PCDHGB2: variants seen among roughly 807,000 people sequenced by gnomAD.
The protein encoded by PCDHGB2 is protocadherin gamma-B2.
In PCDHGB2, 55 loss-of-function variants were observed where a neutral mutation model predicts 59.3. That is an observed-to-expected ratio of 0.93 (90% confidence interval 0.75 to 1.16). PCDHGB2 has a LOEUF of 1.16. Ranked by LOEUF, PCDHGB2 falls within the 50% of genes most tolerant of loss-of-function variation. The probability of loss-of-function intolerance (pLI) is 0.00; values close to 1 mark genes in which losing one functional copy is unlikely to be tolerated. For missense variants in PCDHGB2, 1,228 were observed against 1,198.5 expected (o/e 1.02, Z -0.36); for synonymous variants, 516 against 512.0 (o/e 1.01, Z -0.11).
rs70988800 is a variant in PCDHGB2, at chr5:141,379,889, C to CTTTTTTTTTTTTTTTTTTTT, written c.2421+17344_2421+17363dup. 2.5e-3 allele frequency among the ~76,000 whole-genome samples: 127 copies of CTTTTTTTTTTTTTTTTTTTT among 50,836 alleles called. 11 individuals carry two copies. The highest frequency in any genetic ancestry group is 3.1e-3 in the Non-Finnish European group (79 of 25,888). The allele number at this position is 50,836 out of a possible 152,430, so 33.4% of individuals were successfully genotyped here. On this transcript the variant is annotated intron_variant, in intron 1 of 3. Transcript: ENST00000522605. ...CTTATTTTATGGTCTGTGAAAGCCT[C>CTTTTTTTTTTTTTTTTTTTT]TTTTTTTTTTTTTTTTTTTTTTTTT...
Position 141,417,739 on chromosome 5 carries a change from C to G in PCDHGB2, c.2421+55183C>G, listed in dbSNP as rs1002260902. On this transcript the variant is annotated intron_variant, in intron 1 of 3. Transcript: ENST00000522605. The stretch of plus-strand genomic sequence containing the variant: ...GGCTGCGCAGACCTTGCCCAGCACA[C>G]CAGATTGCCAGCTCCGAGACCCGGG... 1.6e-5 allele frequency: 22 copies of G among 1,411,706 alleles called. No homozygotes were observed. In the African/African-American group the frequency reaches 1.7e-4, roughly 11 times the overall value. The allele number at this position is 1,411,706 out of a possible 1,614,324, so 87.4% of individuals were successfully genotyped here.
In PCDHGB2 at chr5:141,405,080, A is replaced by T. The variant is rs1382053021; in HGVS notation, c.2421+42524A>T. 2.5e-6 allele frequency: 4 copies of T among 1,613,560 alleles called. No individual in the cohort carries two copies. In the East Asian group the frequency reaches 6.7e-5, roughly 27 times the overall value. On this transcript the variant is annotated intron_variant, in intron 1 of 3. Coordinates refer to ENST00000522605, the MANE Select transcript of PCDHGB2 (RefSeq NM_018923.3). ...CTGTGTCTTCCTCACCTTCGTTATC[A>T]CGCTGCTGGCCCTCAGGCTGAGGCA...
chr5:141,507,202 C>G (rs2099859138), intron 3 of PCDHGB2: 1 of 152,356 alleles, frequency 6.6e-6, no homozygotes, highest in Non-Finnish European at 1.5e-5. Flanking sequence ...TCTTCCAGAT[C>G]AGGGTTGCCA....
intron 2 of PCDHGB2, among the ~76,000 whole-genome samples, chr5:141,504,280 C>T (rs1027657223): frequency 6.6e-6 from 1 of 152,076 alleles, no homozygotes; most frequent in Admixed American, 6.6e-5. Context: ...AATTATGAAT[C>T]ATTTCATGTT....
rs781345070 is a variant in PCDHGB2 at position 141,371,941 on chromosome 5, C to T, written c.2421+9385C>T. 8 of 1,613,174 alleles carry T rather than the reference C, an allele frequency of 5.0e-6. No individual in the cohort carries two copies. The South Asian group carries it at 7.7e-5, about 15-fold the overall frequency. On this transcript the variant is annotated intron_variant, in intron 1 of 3. Transcript: ENST00000522605. ...AGCGCGCGGAGCGGGGTGGTGTTCG[C>T]GCAGCGAGCCTTCGACCACGAGCAG...
intron 1 of PCDHGB2, chr5:141,475,927 G>A: frequency 1.6e-6 from 1 of 628,480 alleles, no homozygotes; most frequent in South Asian, 2.1e-5. Flanking sequence ...CTGGAGATCG[G>A]GCCCCTGCCC....
intron 1 of PCDHGB2, among the ~76,000 whole-genome samples, chr5:141,400,828 A>G (rs2094080616): frequency 6.6e-6 from 1 of 152,184 alleles, no homozygotes. Context: ...TCGTTGTCTC[A>G]TTCTTTAACA....
chr5:141,449,630 T>G (rs1006977026), intron 1 of PCDHGB2, among the ~76,000 whole-genome samples: 2 of 150,024 alleles, frequency 1.3e-5, no homozygotes, highest in Non-Finnish European at 3.0e-5. Flanking sequence ...TTTAAAAAGA[T>G]GTATCTATAT....
chr5:141,464,676 T>C (rs1337677151), intron 1 of PCDHGB2, among the ~76,000 whole-genome samples: 3 of 152,176 alleles, frequency 2.0e-5, no homozygotes, highest in Non-Finnish European at 2.9e-5. Context: ...ATAATTTTAA[T>C]TAAAATTTCT....
At chr5:141,402,910 G>A in intron 1 of PCDHGB2, 2 of 1,549,722 alleles carry the variant, frequency 1.3e-6, no homozygotes, top group Non-Finnish European at 1.7e-6. Context: ...ATGAAGCAGC[G>A]CGCACAGAGA....
At chr5:141,394,568 C>T (rs373695437) in intron 1 of PCDHGB2, 2 of 1,614,072 alleles carry the variant, frequency 1.2e-6, no homozygotes, top group African/African-American at 2.7e-5. Context: ...CAGAGCGTGG[C>T]TACCTGGTGA....
intron 1 of PCDHGB2, among the ~76,000 whole-genome samples, chr5:141,437,236 C>A (rs2154557405): frequency 6.6e-6 from 1 of 152,278 alleles, no homozygotes; most frequent in South Asian, 2.1e-4. Context: ...AAAATTATGT[C>A]AAGGACTTTC....
In PCDHGB2 at chr5:141,490,537, T is replaced by C; in HGVS notation, c.2422-4270T>C. On this transcript the variant is annotated intron_variant, in intron 1 of 3. Transcript: ENST00000522605. This position sits in a 1 kb window ranked among gnomAD's most constrained non-coding sequence, Gnocchi z 5.4. ...GCTGGCCAGCGATGCTGGTTCACCT[T>C]CCCTACACAAACATCTCACCATCAG... is the stretch of plus-strand genomic sequence containing the variant. 1.9e-6 allele frequency: 3 copies of C among 1,614,180 alleles called. No homozygotes were observed. The highest frequency in any genetic ancestry group is 8.5e-7 in the Non-Finnish European group (1 of 1,180,028).
chr5:141,390,591 T>G, intron 1 of PCDHGB2: 1 of 333,500 alleles, frequency 3.0e-6, no homozygotes, highest in Non-Finnish European at 5.4e-6. Flanking sequence ...TGAATGAGAT[T>G]TTTCCTATAC....
intron 1 of PCDHGB2, chr5:141,408,042 C>T (rs2095031452): frequency 1.7e-6 from 2 of 1,204,046 alleles, no homozygotes; most frequent in Non-Finnish European, 2.2e-6. Flanking sequence ...AACCAGCTCC[C>T]ACACAGAGCC....
At position 141,362,131 on chromosome 5, in the gene PCDHGB2, G is replaced by A; in HGVS notation, c.1996G>A (p.Asp666Asn). ...GGCCACGCTGCACCTAATCTTCGCG[G>A]ATAGCCTGCAAGAGGTATTGCCAGA... ...ATATLHLIFA[D>N]SLQEVLPDLS... The change falls in exon 1 of 4, where the codon GAT (aspartate) becomes AAT (asparagine). Residue 666 changes from aspartate to asparagine, a missense_variant. Physicochemically the swap from Asp to Asn is conservative, Grantham distance 23. Around this residue, in one of 3 missense-constraint regions of PCDHGB2, gnomAD observed 433 missense variants for 441.8 expected, o/e 0.98. Transcript: ENST00000522605. 2 of 1,614,048 alleles carry A rather than the reference G, an allele frequency of 1.2e-6. No homozygotes were observed. The highest frequency in any genetic ancestry group is 1.7e-6 in the Non-Finnish European group (2 of 1,179,910).
rs780541121 is a variant in PCDHGB2 at position 141,477,533 on chromosome 5, G to T, written c.2422-17274G>T. ...TTACATTGAAGAAAACAACCTCCCCGGGGCTCCAATACTAAACCTAAGTGT... is the reference window on the plus strand; with the variant it reads ...TTACATTGAAGAAAACAACCTCCCCTGGGCTCCAATACTAAACCTAAGTGT... On this transcript the variant is annotated intron_variant, in intron 1 of 3. Coordinates refer to ENST00000522605, the MANE Select transcript of PCDHGB2 (RefSeq NM_018923.3). This position sits in a 1 kb window ranked among gnomAD's most constrained non-coding sequence, Gnocchi z 4.9. 6.2e-7 allele frequency: 1 copy of T among 1,614,010 alleles called. No homozygotes were observed. The highest frequency in any genetic ancestry group is 1.1e-5 in the South Asian group (1 of 91,066).
Position 141,361,370 on chromosome 5 carries a change from GGGA to G in PCDHGB2, c.1240_1242del (p.Glu414del). The G allele has an allele frequency of 6.2e-7, 1 of 1,613,942 alleles. No individual in the cohort carries two copies. On this transcript the variant is annotated inframe_deletion, in exon 1 of 4. Coordinates refer to ENST00000522605, the MANE Select transcript of PCDHGB2 (RefSeq NM_018923.3). The stretch of plus-strand genomic sequence containing the variant: ...CTAGTGACAGACGGCGCTCTGGACC[GGGA>G]GGAGATCCCAGAATACAATCTCACC...
At chr5:141,446,718 C>T (rs1279970040) in intron 1 of PCDHGB2, among the ~76,000 whole-genome samples, 4 of 152,174 alleles carry the variant, frequency 2.6e-5, no homozygotes, top group South Asian at 2.1e-4. Flanking sequence ...CTGCCCGCCT[C>T]GGCCTCCCAA....
Sources: gnomAD v4.1 joint callset for allele counts (sites outside exome capture counted in the v4.1 genomes callset) on GRCh38, gnomAD v4.1.1 for gene constraint, gnomAD v4.1.1 regional missense constraint, Gnocchi (gnomAD v3.1) non-coding constraint, MANE v1.5 for transcripts, NCBI Gene and HGNC (gene_info 2026-07-23, HGNC 2026-07-21) for gene names.